ARID1A: variants seen among roughly 807,000 people sequenced by gnomAD.
ARID1A encodes the protein AT-rich interactive domain-containing protein 1A.
A neutral mutation model predicts 212.6 loss-of-function variants in ARID1A; 20 were observed. That is an observed-to-expected ratio of 0.09 (90% confidence interval 0.07 to 0.14). The LOEUF (loss-of-function observed/expected upper bound fraction) is 0.14, where lower values mean the gene tolerates loss of function less well. ARID1A is among the 10% of genes least tolerant of loss of function. The probability of loss-of-function intolerance (pLI) is 1.00; values close to 1 mark genes in which losing one functional copy is unlikely to be tolerated. For synonymous variants in ARID1A, 1,376 were observed against 1,222.1 expected, an observed-to-expected ratio of 1.13 and a Z score of -2.63; for missense variants, 2,587 against 3,059.0, an observed-to-expected ratio of 0.85 and a Z score of 3.64.
In ARID1A at chr1:26,697,240, C is replaced by T. The variant is rs751086005; in HGVS notation, c.837C>T (p.Pro279=). The T allele has an allele frequency of 4.7e-5, 64 of 1,373,450 alleles. No homozygotes were observed. In the African/African-American group the frequency reaches 7.6e-4, roughly 16 times the overall value. The allele number at this position is 1,373,450 out of a possible 1,614,324, so 85.1% of individuals were successfully genotyped here. The change falls in exon 1 of 20, where the codon CCC becomes CCT. Residue 279 remains proline, a synonymous_variant. Coordinates refer to ENST00000324856, the MANE Select transcript of ARID1A (RefSeq NM_006015.6). The part of the protein sequence containing the change: ...QRFGAMGGGG[P]SAAGGGTPQP... ...TCGGGGCCATGGGGGGAGGCGGCCC[C>T]TCCGCGGCCGGCGGGGGAACTCCCC...
In ARID1A at chr1:26,696,526, G is replaced by T; in HGVS notation, c.123G>T (p.Ala41=). 1 of 1,227,454 alleles carries T rather than the reference G, an allele frequency of 8.1e-7. No individual in the cohort carries two copies. 76.0% of individuals were successfully genotyped at this position (1,227,454 alleles called of 1,614,324 possible). A position where few individuals can be genotyped will look rare whatever the true frequency, so the allele number is the denominator to read the frequency against. ...QREEAGGEAA[A]AAAAERGEMK... ...AGGAGGCGGGGGGCGAGGCGGCGGC[G>T]GCGGCAGCGGCCGAGCGCGGGGAAA... Residue 41 remains alanine, a synonymous_variant, in exon 1 of 20, where the codon GCG becomes GCT. Coordinates refer to ENST00000324856, the MANE Select transcript of ARID1A (RefSeq NM_006015.6).
rs769457045 is a variant in ARID1A, at chr1:26,696,399, G to A, written c.-5G>A. On this transcript the variant is annotated 5_prime_UTR_variant, in exon 1 of 20. Coordinates refer to ENST00000324856, the MANE Select transcript of ARID1A (RefSeq NM_006015.6). ...GGTCTCTCCGCGGACGAGACAGCGG[G>A]GATCATGGCCGCGCAGGTCGCCCCC... The A allele has an allele frequency of 3.9e-6, 5 of 1,273,188 alleles. No homozygotes were observed. The South Asian group carries it at 1.0e-4, about 25-fold the overall frequency. 78.9% of individuals were successfully genotyped at this position (1,273,188 alleles called of 1,614,324 possible).
intron 1 of ARID1A, chr1:26,727,572 C>T (rs1236186908): frequency 1.3e-5 from 2 of 152,154 alleles, no homozygotes; most frequent in East Asian, 3.8e-4. Flanking sequence ...TGGAGAAGAG[C>T]ACAAGCCCTT....
intron 7 of ARID1A, 141 bp downstream of exon 7, chr1:26,762,460 T>C: frequency 1.1e-6 from 1 of 912,854 alleles, no homozygotes; most frequent in Non-Finnish European, 1.5e-6. Context: ...GGCCCTGAAG[T>C]AGGGCAAGGC....
chr1:26,743,564 G>A (rs1051223380), intron 4 of ARID1A, among the ~76,000 whole-genome samples: 3 of 151,840 alleles, frequency 2.0e-5, no homozygotes, highest in African/African-American at 4.8e-5. Flanking sequence ...GGCTGGGCAC[G>A]GTGGCTCACA....
At position 26,771,499 on chromosome 1, in the gene ARID1A, TC is replaced by T. The variant is rs1258605469; in HGVS notation, c.3406+176del. On this transcript the variant is annotated intron_variant, in intron 12 of 19. Coordinates refer to ENST00000324856, the MANE Select transcript of ARID1A (RefSeq NM_006015.6). This position sits in a 1 kb window ranked among gnomAD's most constrained non-coding sequence, Gnocchi z 5.4. ...TGACTAGAGAGTGGGCAGTGGAAAC[TC>T]CCTTGGGAGGTACTCTACGGCAGCT... 8.9e-6 allele frequency: 6 copies of T among 674,178 alleles called. No individual in the cohort carries two copies. Among genetic ancestry groups the T allele is most frequent in the Non-Finnish European group, 1.5e-5 (6 of 401,066 alleles). 41.8% of individuals were successfully genotyped at this position (674,178 alleles called of 1,614,324 possible).
In ARID1A at chr1:26,696,507, C is replaced by T. The variant is rs2080254831; in HGVS notation, c.104C>T (p.Ala35Val). 3.3e-6 allele frequency: 4 copies of T among 1,229,448 alleles called. No individual in the cohort carries two copies. Among genetic ancestry groups the T allele is most frequent in the Non-Finnish European group, 3.0e-6 (3 of 988,258 alleles). 76.2% of individuals were successfully genotyped at this position (1,229,448 alleles called of 1,614,324 possible). A position where few individuals can be genotyped will look rare whatever the true frequency, so the allele number is the denominator to read the frequency against. The change falls in exon 1 of 20, where the codon GCG (alanine) becomes GTG (valine). Residue 35 changes from alanine to valine, a missense_variant. Ala to Val is a moderately conservative substitution (Grantham distance 64). Coordinates refer to ENST00000324856, the MANE Select transcript of ARID1A (RefSeq NM_006015.6). ...GCCGAGCAGCAGCAGCGGGAGGAGG[C>T]GGGGGGCGAGGCGGCGGCGGCGGCA... ...KKAEQQQREE[A>V]GGEAAAAAAA...
chr1:26,731,098 A>T, intron 2 of ARID1A, 54 bp from the exon 3 acceptor site: 1 of 1,544,186 alleles, frequency 6.5e-7, no homozygotes, highest in Non-Finnish European at 8.9e-7. Context: ...AAAACACTTC[A>T]TCTTTCCTCA....
At chr1:26,738,869 T>C (rs1205770335) in intron 4 of ARID1A, among the ~76,000 whole-genome samples, 2 of 144,108 alleles carry the variant, frequency 1.4e-5, no homozygotes, top group Admixed American at 7.0e-5. Flanking sequence ...TCTGTAACTT[T>C]TCTTTTGTTT....
At chr1:26,710,490 T>TACACACACACACACACACAC (rs1291075615) in intron 1 of ARID1A, among the ~76,000 whole-genome samples, 15 of 9,702 alleles carry the variant, frequency 1.5e-3, no homozygotes, top group African/African-American at 4.4e-3. Context: ...AATAAAATAA[T>TACACACACACACACACACAC]ACATACACAC....
chr1:26,696,610 G>T lies in ARID1A; in HGVS notation c.207G>T (p.Leu69=). The T allele has an allele frequency of 8.1e-7, 1 of 1,239,154 alleles. No individual in the cohort carries two copies. Among genetic ancestry groups the T allele is most frequent in the East Asian group, 3.2e-5 (1 of 31,188 alleles). 76.8% of individuals were successfully genotyped at this position (1,239,154 alleles called of 1,614,324 possible). A position where few individuals can be genotyped will look rare whatever the true frequency, so the allele number is the denominator to read the frequency against. The part of the protein sequence containing the change: ...EGPAVGPPQP[L]GKELQDGAES... ...CCGCCGTGGGGCCGCCGCAGCCGCT[G>T]GGAAAGGAGCTGCAGGACGGGGCCG... Residue 69 remains leucine, a synonymous_variant, in exon 1 of 20, where the codon CTG becomes CTT. Coordinates refer to ENST00000324856, the MANE Select transcript of ARID1A (RefSeq NM_006015.6).
intron 8 of ARID1A, 41 bp from the exon 9 acceptor site, chr1:26,766,180 G>A (rs2124078781): frequency 6.2e-7 from 1 of 1,601,314 alleles, no homozygotes; most frequent in Non-Finnish European, 8.5e-7. Flanking sequence ...AAAGCTCAGA[G>A]TCTAACCTTT....
chr1:26,774,086 G>T lies in ARID1A; in HGVS notation c.4101+188G>T. The T allele has an allele frequency of 9.3e-7, 1 of 1,073,892 alleles. No homozygotes were observed. 66.5% of individuals were successfully genotyped at this position (1,073,892 alleles called of 1,614,324 possible). A position where few individuals can be genotyped will look rare whatever the true frequency, so the allele number is the denominator to read the frequency against. On this transcript the variant is annotated intron_variant, in intron 17 of 19. Coordinates refer to ENST00000324856, the MANE Select transcript of ARID1A (RefSeq NM_006015.6). The surrounding 1 kb of genome is among the most constrained non-coding windows in gnomAD (Gnocchi z 5.6). ...TCTTCTCTATTTGGAGTTGGAAGGG[G>T]CTAGAAATAGACCTTATTTTGATTT...
intron 1 of ARID1A, among the ~76,000 whole-genome samples, chr1:26,715,994 C>G (rs936469163): frequency 1.1e-4 from 17 of 151,906 alleles, no homozygotes; most frequent in African/African-American, 3.9e-4. Flanking sequence ...ATCATGAGGT[C>G]AGGAGTTTGA....
At chr1:26,737,129 T>G (rs1025052484) in intron 4 of ARID1A, among the ~76,000 whole-genome samples, 8 of 152,030 alleles carry the variant, frequency 5.3e-5, no homozygotes, top group African/African-American at 1.9e-4. Flanking sequence ...TTTGTTTGTT[T>G]GTTTTGAGAT....
chr1:26,704,868 A>T (rs1262217568), intron 1 of ARID1A, among the ~76,000 whole-genome samples: 1 of 152,112 alleles, frequency 6.6e-6, no homozygotes, highest in Non-Finnish European at 1.5e-5. Flanking sequence ...TCAAAAAAAA[A>T]AAAAAAATTT....
intron 4 of ARID1A, among the ~76,000 whole-genome samples, chr1:26,737,004 C>A (rs1450319208): frequency 3.9e-5 from 6 of 152,004 alleles, no homozygotes. Context: ...TCAAGCCTTG[C>A]TAACACAGGT....
At chr1:26,724,961 G>A (rs1276553705) in intron 1 of ARID1A, among the ~76,000 whole-genome samples, 3 of 152,182 alleles carry the variant, frequency 2.0e-5, no homozygotes, top group Non-Finnish European at 4.4e-5. Context: ...TGGAGATGAG[G>A]AGTTTTCTTA....
At chr1:26,739,008 T>A (rs2080761686) in intron 4 of ARID1A, among the ~76,000 whole-genome samples, 1 of 150,952 alleles carries the variant, frequency 6.6e-6, no homozygotes, top group Admixed American at 6.6e-5. Context: ...TGCCTCAGCC[T>A]CCCTAGTAGC....
Sources: allele counts gnomAD v4.1 joint callset (sites outside exome capture counted in the v4.1 genomes callset), GRCh38; gene constraint gnomAD v4.1.1; non-coding constraint Gnocchi (gnomAD v3.1); transcripts MANE v1.5; gene names NCBI Gene and HGNC (gene_info 2026-07-23, HGNC 2026-07-21).